Variants in ABHD12B observed in about 807,000 individuals in gnomAD.
ABHD12B encodes the protein protein ABHD12B.
A neutral mutation model predicts 50.4 loss-of-function variants in ABHD12B; 42 were observed. The ratio of observed to expected loss-of-function variants is 0.83; its 90% CI spans 0.65 to 1.08. The LOEUF (loss-of-function observed/expected upper bound fraction) is 1.08, where lower values mean the gene tolerates loss of function less well. Among genes scored for constraint, ABHD12B ranks in the 50% least tolerant of loss-of-function variants. The probability of loss-of-function intolerance (pLI) is 0.00; values close to 1 mark genes in which losing one functional copy is unlikely to be tolerated. For missense variants in ABHD12B, 479 were observed against 447.7 expected, an observed-to-expected ratio of 1.07 and a Z score of -0.63; for synonymous variants, 167 against 160.3, an observed-to-expected ratio of 1.04 and a Z score of -0.32.
chr14:50,903,632 C>G (rs1441611993), intron 11 of ABHD12B, among the ~76,000 whole-genome samples, 165 bp downstream of exon 11: 2 of 152,176 alleles, frequency 1.3e-5, no homozygotes, highest in Admixed American at 6.5e-5. Flanking sequence ...GTATCAGCAT[C>G]CTTGGCTACT....
chr14:50,880,175 T>G (rs1177066845), intron 3 of ABHD12B, among the ~76,000 whole-genome samples: 1 of 152,212 alleles, frequency 6.6e-6, no homozygotes, highest in Admixed American at 6.5e-5. Context: ...ACCTAAGAAC[T>G]GCAGTCTTGG....
intron 8 of ABHD12B, among the ~76,000 whole-genome samples, chr14:50,887,500 T>A (rs918098609): frequency 1.1e-4 from 17 of 152,212 alleles, no homozygotes; most frequent in African/African-American, 4.1e-4. Context: ...TTCATTACCC[T>A]AATGCCATAC....
chr14:50,874,762 G>C (rs761745951), intron 1 of ABHD12B, among the ~76,000 whole-genome samples: 4 of 152,118 alleles, frequency 2.6e-5, no homozygotes, highest in Non-Finnish European at 4.4e-5. Flanking sequence ...TGATAAATGT[G>C]TTCATTCTTT....
chr14:50,903,535 A>G (rs2050291128), intron 11 of ABHD12B, 68 bp downstream of exon 11: 8 of 1,362,930 alleles, frequency 5.9e-6, no homozygotes, highest in Non-Finnish European at 7.2e-6. Flanking sequence ...CATTCAGCCA[A>G]ACTTTGATTA....
chr14:50,899,580 C>T (rs2050238548), intron 9 of ABHD12B, among the ~76,000 whole-genome samples: 3 of 152,140 alleles, frequency 2.0e-5, no homozygotes, highest in South Asian at 4.1e-4. Flanking sequence ...TTTACTACCC[C>T]CTCTACCCCT....
rs372585141 is a variant in ABHD12B at position 50,885,674 on chromosome 14, C to T, written c.532+15C>T. The stretch of plus-strand genomic sequence containing the variant: ...TGACTACAGAGGTATGTGTTAAGAA[C>T]GGTGTACAAAGATGTTTCAGTAACC... On this transcript the variant is annotated intron_variant, in intron 6 of 12. Transcript: ENST00000337334. The T allele has an allele frequency of 4.5e-5, 72 of 1,614,038 alleles. No homozygotes were observed. In the Admixed American group the frequency reaches 5.3e-4, roughly 12 times the overall value.
At chr14:50,896,168 C>T (rs1383857015) in intron 9 of ABHD12B, among the ~76,000 whole-genome samples, 2 of 152,104 alleles carry the variant, frequency 1.3e-5, no homozygotes, top group African/African-American at 2.4e-5. Context: ...GCCAATATCC[C>T]GTCCTGCAGC....
At chr14:50,899,972 T>C (rs1165987230) in intron 9 of ABHD12B, among the ~76,000 whole-genome samples, 2 of 151,050 alleles carry the variant, frequency 1.3e-5, no homozygotes, top group Admixed American at 1.3e-4. Flanking sequence ...GCACTGTGGC[T>C]CATGCCTGTA....
At chr14:50,881,726 T>A (rs1009031320) in intron 5 of ABHD12B, 100 bp downstream of exon 5, 5 of 1,418,746 alleles carry the variant, frequency 3.5e-6, no homozygotes, top group Non-Finnish European at 5.0e-6. Context: ...TTGAGAGGTC[T>A]CCAGGGTACT....
At chr14:50,878,959 T>A in intron 3 of ABHD12B, 112 bp downstream of exon 3, 2 of 802,008 alleles carry the variant, frequency 2.5e-6, no homozygotes, top group Non-Finnish European at 4.2e-6. Context: ...CTCCTGGAGG[T>A]ACCTGGAGGC....
chr14:50,877,558 T>C (rs769490769), intron 1 of ABHD12B, among the ~76,000 whole-genome samples: 7 of 152,132 alleles, frequency 4.6e-5, no homozygotes, highest in African/African-American at 7.2e-5. Context: ...GCCGTGTAGA[T>C]AATTCCTTGT....
chr14:50,872,385 C>A (rs1392370436), intron 1 of ABHD12B, 107 bp downstream of exon 1: 9 of 817,000 alleles, frequency 1.1e-5, no homozygotes. Flanking sequence ...CTCTGCTGGC[C>A]CGGGCCCAAG....
At chr14:50,895,448 G>T (rs372460067) in intron 9 of ABHD12B, 1 of 152,098 alleles carries the variant, frequency 6.6e-6, no homozygotes, top group East Asian at 1.9e-4. Context: ...CTTGCTACAC[G>T]TGCCGGAAAT....
chr14:50,885,811 C>T lies in ABHD12B; in HGVS notation c.578C>T (p.Thr193Met), dbSNP rs774904665. 35 of 1,614,024 alleles carry T rather than the reference C, an allele frequency of 2.2e-5. No homozygotes were observed. The highest frequency in any genetic ancestry group is 5.0e-5 in the Admixed American group (3 of 59,994). Reference sequence around the variant, plus strand: ...AAGCCCACAGAGGAGGGACTGACTACGGATGCCATTTGTGTCTATGAGTGG... The same window carrying T: ...AAGCCCACAGAGGAGGGACTGACTATGGATGCCATTTGTGTCTATGAGTGG... Reference protein sequence around the residue: ...TGKPTEEGLTTDAICVYEWTK... With the variant: ...TGKPTEEGLTMDAICVYEWTK... Residue 193 changes from threonine to methionine, a missense_variant, in exon 7 of 13, where the codon ACG (threonine) becomes ATG (methionine). Physicochemically the swap from Thr to Met is moderately conservative, Grantham distance 81. Transcript: ENST00000337334.
intron 5 of ABHD12B, among the ~76,000 whole-genome samples, chr14:50,882,661 T>C (rs1250783283): frequency 6.6e-6 from 1 of 151,866 alleles, no homozygotes; most frequent in African/African-American, 2.4e-5. Flanking sequence ...ATTACAGGCA[T>C]GAGCCACCGC....
At chr14:50,886,581 C>A in intron 7 of ABHD12B, 66 bp from the exon 8 acceptor site, 3 of 1,461,562 alleles carry the variant, frequency 2.1e-6, no homozygotes, top group South Asian at 1.2e-5. Context: ...ATCAGATGCT[C>A]ATACCAGAAG....
intron 9 of ABHD12B, among the ~76,000 whole-genome samples, chr14:50,898,245 C>T (rs1283733190): frequency 6.6e-6 from 1 of 152,076 alleles, no homozygotes. Flanking sequence ...AAATGGAGAC[C>T]TATAGGTTTG....
At chr14:50,880,167 C>G (rs1438844984) in intron 3 of ABHD12B, among the ~76,000 whole-genome samples, 2 of 152,112 alleles carry the variant, frequency 1.3e-5, no homozygotes, top group African/African-American at 4.8e-5. Flanking sequence ...TGGGCTGTAC[C>G]TAAGAACTGC....
chr14:50,886,298 G>C (rs1295163953), intron 7 of ABHD12B, among the ~76,000 whole-genome samples: 2 of 152,092 alleles, frequency 1.3e-5, no homozygotes, highest in Admixed American at 6.5e-5. Flanking sequence ...AATTAGCTGG[G>C]CTTGGTGGTG....
Sources: gnomAD v4.1 joint callset for allele counts (sites outside exome capture counted in the v4.1 genomes callset) on GRCh38, gnomAD v4.1.1 for gene constraint, MANE v1.5 for transcripts, NCBI Gene and HGNC (gene_info 2026-07-23, HGNC 2026-07-21) for gene names.